CKAP5: variants seen among roughly 807,000 people sequenced by gnomAD.
CKAP5 encodes cytoskeleton associated protein 5, also known as cytoskeleton-associated protein 5.
In CKAP5, 27 loss-of-function variants were observed where a neutral mutation model predicts 232.8. The observed-to-expected ratio is 0.12, with a 90% confidence interval of 0.09 to 0.16. CKAP5 has a LOEUF of 0.16. Ranked by LOEUF, CKAP5 falls within the 10% of genes least tolerant of loss-of-function variation. The pLI is 1.00. For missense variants in CKAP5, 1,838 were observed against 2,424.7 expected (o/e 0.76, Z 5.08); for synonymous variants, 785 against 841.1 (o/e 0.93, Z 1.16).
chr11:46,797,115 C>T (rs1001062245), intron 11 of CKAP5, among the ~76,000 whole-genome samples, 175 bp from the exon 12 acceptor site: 4 of 152,088 alleles, frequency 2.6e-5, no homozygotes, highest in African/African-American at 9.7e-5. Context: ...CTTTTTGGGC[C>T]AGGCACAGTG....
At chr11:46,753,930 A>C (rs2065090267) in intron 36 of CKAP5, among the ~76,000 whole-genome samples, 1 of 151,606 alleles carries the variant, frequency 6.6e-6, no homozygotes, top group Non-Finnish European at 1.5e-5. Context: ...TAAAGAAAAA[A>C]CAAAATCACC....
intron 26 of CKAP5, 119 bp from the exon 27 acceptor site, chr11:46,767,782 G>T: frequency 5.1e-6 from 3 of 593,882 alleles, no homozygotes; most frequent in Non-Finnish European, 8.3e-6. Context: ...CAATTTATAA[G>T]ATGTTTTCAG....
In CKAP5 at chr11:46,801,225, T is replaced by G. The variant is rs1939024366; in HGVS notation, c.1058A>C (p.Lys353Thr). 6.2e-7 allele frequency: 1 copy of G among 1,613,472 alleles called. No individual in the cohort carries two copies. Among genetic ancestry groups the G allele is most frequent in the Admixed American group, 1.7e-5 (1 of 59,986 alleles). ...CLTGLAVGLR[K>T]KFGQYAGHVV... The stretch of plus-strand genomic sequence containing the variant: ...ATGTCCTGCATATTGTCCAAATTTC[T>G]TCCTTAGCCCAACAGCCAGGCCAGT... The change falls in exon 9 of 44, where the codon AAG becomes ACG. Residue 353 changes from lysine to threonine, a missense_variant. Lys to Thr is a moderately conservative substitution (Grantham distance 78, BLOSUM62 -1). Transcript: ENST00000529230.
At chr11:46,762,439 G>A in intron 31 of CKAP5, 188 bp downstream of exon 31, 2 of 875,872 alleles carry the variant, frequency 2.3e-6, no homozygotes, top group Non-Finnish European at 1.9e-6. Context: ...GGGTGATACT[G>A]AGTGGTGCCT....
chr11:46,816,505 T>C (rs914758483), intron 3 of CKAP5, 101 bp from the exon 4 acceptor site: 19 of 791,550 alleles, frequency 2.4e-5, no homozygotes, highest in Admixed American at 1.6e-4. Context: ...ATGCTAGAAA[T>C]ACAGTAAATG....
At position 46,778,427 on chromosome 11, in the gene CKAP5, A is replaced by ATGCAATGAT. The variant is rs770092686; in HGVS notation, c.2573+32_2573+33insATCATTGCA. The ATGCAATGAT allele has an allele frequency of 6.8e-6, 11 of 1,612,256 alleles. No individual in the cohort carries two copies. The East Asian group carries it at 2.2e-4, about 33-fold the overall frequency. ...CAACATTCTGAATTCAATACAATGA[A>ATGCAATGAT]TGAAATAAACCATTTCACAGACTGG... On this transcript the variant is annotated intron_variant, in intron 21 of 43. Coordinates refer to ENST00000529230, the MANE Select transcript of CKAP5 (RefSeq NM_001008938.4).
chr11:46,777,630 C>T (rs1462239509), intron 22 of CKAP5, 78 bp from the exon 23 acceptor site: 6 of 892,876 alleles, frequency 6.7e-6, no homozygotes, highest in South Asian at 1.4e-5. Flanking sequence ...TGCTGCTATA[C>T]TGTCAATACA....
rs767042226 is a variant in CKAP5, at chr11:46,753,406, C to T, written c.4961G>A (p.Arg1654Gln). 7 of 1,613,706 alleles carry T rather than the reference C, an allele frequency of 4.3e-6. No individual in the cohort carries two copies. Among genetic ancestry groups the T allele is most frequent in the African/African-American group, 4.0e-5 (3 of 74,830 alleles). The change falls in exon 37 of 44, where the codon CGG becomes CAG. Residue 1654 changes from arginine to glutamine, a missense_variant. Arg to Gln is a conservative substitution (Grantham distance 43). Transcript: ENST00000529230. ...HGLITLMLDS[R>Q]IEDLEEGQQV... ...TTGTCCTTCCTCAAGATCTTCAATC[C>T]GAGAATCCAGCATTAAGGTGATGAG...
At chr11:46,816,151 G>A in intron 4 of CKAP5, 47 bp downstream of exon 4, 1 of 1,500,308 alleles carries the variant, frequency 6.7e-7, no homozygotes, top group South Asian at 1.2e-5. Context: ...GTGCCAAAAA[G>A]GTTGGGGACT....
intron 1 of CKAP5, among the ~76,000 whole-genome samples, chr11:46,824,656 A>T (rs1939612273): frequency 6.6e-6 from 1 of 152,208 alleles, no homozygotes; most frequent in Non-Finnish European, 1.5e-5. Context: ...GTTGAATGCC[A>T]AATGGTCCAG....
intron 31 of CKAP5, 149 bp from the exon 32 acceptor site, chr11:46,762,342 G>A (rs1450148694): frequency 1.1e-6 from 1 of 935,864 alleles, no homozygotes; most frequent in Non-Finnish European, 1.7e-6. Flanking sequence ...CCTTTTATCA[G>A]TGAAAAAATG....
intron 1 of CKAP5, among the ~76,000 whole-genome samples, chr11:46,821,932 G>A (rs74428424): frequency 6.6e-6 from 1 of 151,992 alleles, no homozygotes; most frequent in Non-Finnish European, 1.5e-5. Flanking sequence ...CCATCTACTC[G>A]GAAGTCTGAG....
intron 12 of CKAP5, among the ~76,000 whole-genome samples, chr11:46,796,008 A>G (rs953444402): frequency 7.9e-5 from 12 of 152,064 alleles, no homozygotes; most frequent in African/African-American, 2.9e-4. Flanking sequence ...TACTAAAAAT[A>G]AAAAAGTTTA....
chr11:46,796,904 C>T lies in CKAP5; in HGVS notation c.1375G>A (p.Ala459Thr), dbSNP rs377474304. The T allele has an allele frequency of 5.6e-6, 9 of 1,613,818 alleles. No homozygotes were observed. The highest frequency in any genetic ancestry group is 1.7e-5 in the Admixed American group (1 of 59,962). The change falls in exon 12 of 44, where the codon GCA becomes ACA. Residue 459 changes from alanine to threonine, a missense_variant. Coordinates refer to ENST00000529230, the MANE Select transcript of CKAP5 (RefSeq NM_001008938.4). Reference sequence around the variant, plus strand: ...AAAGCAGTACCCAATGCTTCAAATGCGGCATCTCTGACTTCAGGAGCAGAA... The same window carrying T: ...AAAGCAGTACCCAATGCTTCAAATGTGGCATCTCTGACTTCAGGAGCAGAA... ...NDSAPEVRDA[A>T]FEALGTALKV...
chr11:46,762,430 G>A (rs756937451), intron 31 of CKAP5, 197 bp downstream of exon 31: 2 of 868,750 alleles, frequency 2.3e-6, no homozygotes, highest in African/African-American at 1.6e-5. Context: ...TTGTCACCAG[G>A]GTGATACTGA....
intron 25 of CKAP5, 90 bp downstream of exon 25, chr11:46,770,698 G>C: frequency 8.3e-7 from 1 of 1,211,794 alleles, no homozygotes; most frequent in Non-Finnish European, 1.2e-6. Flanking sequence ...CAAAGTGTTG[G>C]GATTACAGGC....
chr11:46,844,912 C>T (rs1461500884), intron 1 of CKAP5, among the ~76,000 whole-genome samples: 1 of 152,150 alleles, frequency 6.6e-6, no homozygotes, highest in Admixed American at 6.5e-5. Flanking sequence ...CCTCGGCCTC[C>T]CAAAGTGTTG....
chr11:46,834,123 GC>G (rs1304335434), intron 1 of CKAP5, among the ~76,000 whole-genome samples: 8 of 152,112 alleles, frequency 5.3e-5, no homozygotes, highest in African/African-American at 1.9e-4. Context: ...ACCCGGCTTG[GC>G]CTTTTACTAT....
chr11:46,816,159 A>G, intron 4 of CKAP5, 39 bp downstream of exon 4: 2 of 1,538,292 alleles, frequency 1.3e-6, no homozygotes, highest in Non-Finnish European at 1.8e-6. Context: ...AAGGTTGGGG[A>G]CTGCTGCTCT....
Sources: gnomAD v4.1 joint callset for allele counts (sites outside exome capture counted in the v4.1 genomes callset) on GRCh38, gnomAD v4.1.1 for gene constraint, MANE v1.5 for transcripts, NCBI Gene and HGNC (gene_info 2026-07-23, HGNC 2026-07-21) for gene names.